The following FCRL2 variants were observed in gnomAD, a reference collection of about 807,000 sequenced individuals.
The protein encoded by FCRL2 is Fc receptor like 2.
In FCRL2, 48 loss-of-function variants were observed where a neutral mutation model predicts 59.8. That is an observed-to-expected ratio of 0.80 (90% CI 0.64 to 1.02). FCRL2 has a LOEUF of 1.02. Among genes scored for constraint, FCRL2 ranks in the 50% least tolerant of loss-of-function variants. FCRL2 has a pLI of 0.00. For missense variants in FCRL2, 658 were observed against 597.3 expected (o/e 1.10, Z -1.06); for synonymous variants, 251 against 229.5 (o/e 1.09, Z -0.85).
intron 5 of FCRL2, 175 bp downstream of exon 5, chr1:157,768,239 T>G: frequency 1.7e-6 from 1 of 601,856 alleles, no homozygotes; most frequent in Non-Finnish European, 2.9e-6. Flanking sequence ...TTATATTTCC[T>G]TCCACAAAAA....
At chr1:157,763,796 C>T (rs1314294261) in intron 7 of FCRL2, among the ~76,000 whole-genome samples, 1 of 152,006 alleles carries the variant, frequency 6.6e-6, no homozygotes, top group African/African-American at 2.4e-5. Context: ...TTTGGGAGGC[C>T]AAGGCGGGCA....
chr1:157,764,795 C>T (rs1360974208), intron 7 of FCRL2, among the ~76,000 whole-genome samples: 2 of 152,078 alleles, frequency 1.3e-5, no homozygotes, highest in East Asian at 3.8e-4. Flanking sequence ...ACGTAACATA[C>T]TAAAACCTGT....
chr1:157,748,689 G>C lies in FCRL2; in HGVS notation c.1394-71C>G. On this transcript the variant is annotated intron_variant, in intron 9 of 11. Transcript: ENST00000361516. Reference sequence around the variant, plus strand: ...TCACACTTCATACACAGCTTCCCAGGCCCTGGCTTAATGATTATATCCTTC... The same window carrying C: ...TCACACTTCATACACAGCTTCCCAGCCCCTGGCTTAATGATTATATCCTTC... The C allele has an allele frequency of 2.2e-6, 3 of 1,357,392 alleles. No homozygotes were observed. The South Asian group carries it at 3.5e-5, about 16-fold the overall frequency. The allele number at this position is 1,357,392 out of a possible 1,614,324, so 84.1% of individuals were successfully genotyped here.
At chr1:157,760,798 G>A in intron 7 of FCRL2, among the ~76,000 whole-genome samples, 1 of 151,204 alleles carries the variant, frequency 6.6e-6, no homozygotes, top group East Asian at 1.9e-4. Flanking sequence ...AGGAGGGAAG[G>A]AAGGAAGGAA....
chr1:157,754,661 A>G (rs1571258024), intron 7 of FCRL2, among the ~76,000 whole-genome samples: 1 of 152,152 alleles, frequency 6.6e-6, no homozygotes, highest in East Asian at 1.9e-4. Flanking sequence ...ATATAAAGTG[A>G]TACAATTCTA....
At chr1:157,752,046 C>A (rs1290606827) in intron 7 of FCRL2, among the ~76,000 whole-genome samples, 2 of 152,228 alleles carry the variant, frequency 1.3e-5, no homozygotes, top group Non-Finnish European at 2.9e-5. Context: ...AGGGTCTGAG[C>A]TGAGTGGGTG....
chr1:157,768,518 A>C lies in FCRL2; in HGVS notation c.779T>G (p.Leu260Arg). ...KKTQRSLSAE[L>R]EIPAVKESDA... ...ACTCTCTTTCACAGCTGGGATCTCC[A>C]GCTCTGCTGACAGGGAACGCTGGGT... is the stretch of plus-strand genomic sequence containing the variant. Residue 260 changes from leucine (L) to arginine (R), a missense_variant, in exon 5 of 12, where the codon CTG becomes CGG. Leu to Arg is a moderately radical substitution (Grantham distance 102). Coordinates refer to ENST00000361516, the MANE Select transcript of FCRL2 (RefSeq NM_030764.4). 1 of 1,614,188 alleles carries C rather than the reference A, an allele frequency of 6.2e-7. No individual in the cohort carries two copies. The highest frequency in any genetic ancestry group is 8.5e-7 in the Non-Finnish European group (1 of 1,180,044).
At chr1:157,758,989 C>T (rs1260040534) in intron 7 of FCRL2, among the ~76,000 whole-genome samples, 2 of 152,194 alleles carry the variant, frequency 1.3e-5, no homozygotes, top group African/African-American at 4.8e-5. Context: ...TATGGTTGGG[C>T]TGTGTCCTCA....
intron 1 of FCRL2, among the ~76,000 whole-genome samples, chr1:157,776,468 C>T (rs1317794684): frequency 6.6e-6 from 1 of 152,072 alleles, no homozygotes; most frequent in Non-Finnish European, 1.5e-5. Context: ...TGAGGTTTCA[C>T]CATGTTGGCC....
chr1:157,751,839 G>A (rs1021946351), intron 7 of FCRL2, among the ~76,000 whole-genome samples: 1 of 152,176 alleles, frequency 6.6e-6, no homozygotes, highest in African/African-American at 2.4e-5. Context: ...TAATAGTTGG[G>A]GGGCTCTGGA....
At chr1:157,758,331 T>G (rs1277379129) in intron 7 of FCRL2, among the ~76,000 whole-genome samples, 1 of 152,120 alleles carries the variant, frequency 6.6e-6, no homozygotes, top group Admixed American at 6.5e-5. Flanking sequence ...CTTACTTAGA[T>G]CATCTGTTTA....
chr1:157,751,148 A>G (rs1648154872), intron 7 of FCRL2, among the ~76,000 whole-genome samples: 1 of 152,222 alleles, frequency 6.6e-6, no homozygotes, highest in Non-Finnish European at 1.5e-5. Context: ...GCAATAACTA[A>G]CAAAGATAAA....
At chr1:157,773,167 T>G (rs138998051) in intron 2 of FCRL2, among the ~76,000 whole-genome samples, 1 of 152,324 alleles carries the variant, frequency 6.6e-6, no homozygotes, top group African/African-American at 2.4e-5. Flanking sequence ...ATCTCTCTCT[T>G]GTTAATTGGA....
rs530020141 is a variant in FCRL2, at chr1:157,747,634, T to G, written c.1460-735A>C. Among the ~76,000 whole-genome samples, 54 of 152,292 alleles carry G rather than the reference T, an allele frequency of 3.5e-4. 1 individual carries two copies. In the Middle Eastern group the frequency reaches 0.024, roughly 67 times the overall value. On this transcript the variant is annotated intron_variant, in intron 10 of 11. Transcript: ENST00000361516. Reference sequence around the variant, plus strand: ...AATCAGCCAAGCTGTCAACAGCCACTGGCTCCATCAGAGGCAACCAGGAGT... The same window carrying G: ...AATCAGCCAAGCTGTCAACAGCCACGGGCTCCATCAGAGGCAACCAGGAGT...
chr1:157,768,301 T>G, intron 5 of FCRL2, 113 bp downstream of exon 5: 1 of 1,108,076 alleles, frequency 9.0e-7, no homozygotes, highest in Non-Finnish European at 1.3e-6. Context: ...CAAATTGCTT[T>G]TGGTTCTCCA....
rs184417963 is a variant in FCRL2 at position 157,770,371 on chromosome 1, C to G, written c.310+38G>C. On this transcript the variant is annotated intron_variant, in intron 3 of 11. Coordinates refer to ENST00000361516, the MANE Select transcript of FCRL2 (RefSeq NM_030764.4). ...ACCCACCCTGCCTTGCTGCCGTGGT[C>G]TCTCACCCAGCCCATCCCACAGAAG... 4 of 1,588,776 alleles carry G rather than the reference C, an allele frequency of 2.5e-6. No individual in the cohort carries two copies. In the African/African-American group the frequency reaches 4.4e-5, roughly 17 times the overall value.
intron 10 of FCRL2, 119 bp from the exon 11 acceptor site, chr1:157,747,018 T>C: frequency 1.9e-6 from 2 of 1,074,116 alleles, no homozygotes; most frequent in South Asian, 1.4e-5. Context: ...CATTTTCTCC[T>C]GTTCTGTAAA....
Position 157,773,226 on chromosome 1 carries a change from A to G in FCRL2, c.52+2549T>C, listed in dbSNP as rs114540874. Among the ~76,000 whole-genome samples the G allele has an allele frequency of 3.8e-3, 586 of 152,336 alleles. 2 individuals carry two copies. Among genetic ancestry groups the G allele is most frequent in the Non-Finnish European group, 6.1e-3 (416 of 68,028 alleles). On this transcript the variant is annotated intron_variant, in intron 2 of 11. Transcript: ENST00000361516. ...ACCTGTGTTCAGTTACAGTTTCTCA[A>G]CTGAGAAATGGAACAACAAAGAGCA...
intron 7 of FCRL2, among the ~76,000 whole-genome samples, chr1:157,750,736 A>T (rs1169074288): frequency 6.6e-6 from 1 of 152,244 alleles, no homozygotes; most frequent in East Asian, 1.9e-4. Context: ...CCAAACTGTC[A>T]TTAAAGCATA....
Sources: allele counts gnomAD v4.1 joint callset (sites outside exome capture counted in the v4.1 genomes callset), GRCh38; gene constraint gnomAD v4.1.1; transcripts MANE v1.5; gene names NCBI Gene and HGNC (gene_info 2026-07-23, HGNC 2026-07-21).